The following CCDC171 variants were observed in gnomAD, a reference collection of about 807,000 sequenced individuals.
CCDC171 encodes coiled-coil domain containing 171.
Under a neutral mutation model 168.2 loss-of-function variants are expected in CCDC171, and 177 were observed. The ratio of observed to expected loss-of-function variants is 1.05; its 90% CI spans 0.93 to 1.19. The LOEUF (loss-of-function observed/expected upper bound fraction) is 1.19, where lower values mean the gene tolerates loss of function less well. Ranked by LOEUF, CCDC171 falls within the 50% of genes most tolerant of loss-of-function variation. The pLI is 0.00. For missense variants in CCDC171, 1,991 were observed against 1,539.0 expected (o/e 1.29, Z -4.91); for synonymous variants, 687 against 540.8 (o/e 1.27, Z -3.75).
At chr9:15,584,891 G>C (rs984993741) in intron 4 of CCDC171, among the ~76,000 whole-genome samples, 4 of 152,166 alleles carry the variant, frequency 2.6e-5, no homozygotes, top group Admixed American at 2.0e-4. Flanking sequence ...CATGAGGAAA[G>C]TGAAGTCCTG....
At chr9:15,957,425 A>G (rs1292248241) in intron 25 of CCDC171, among the ~76,000 whole-genome samples, 1 of 152,164 alleles carries the variant, frequency 6.6e-6, no homozygotes, top group East Asian at 1.9e-4. Flanking sequence ...GTTCCGTCTC[A>G]CTTTCTCCCT....
chr9:15,853,616 AC>A (rs1178342027), intron 23 of CCDC171, among the ~76,000 whole-genome samples: 3 of 151,582 alleles, frequency 2.0e-5, no homozygotes, highest in Non-Finnish European at 3.0e-5. Context: ...TCTGGCTAGA[AC>A]ATCCAGTATG....
chr9:15,657,543 T>A (rs150532709), intron 8 of CCDC171, among the ~76,000 whole-genome samples: 4 of 152,200 alleles, frequency 2.6e-5, no homozygotes, highest in Non-Finnish European at 4.4e-5. Context: ...ATTTGCAGAT[T>A]GGAGTGTTCT....
chr9:15,720,815 A>G (rs890494242), intron 11 of CCDC171, among the ~76,000 whole-genome samples: 3 of 152,124 alleles, frequency 2.0e-5, no homozygotes, highest in African/African-American at 7.2e-5. Context: ...CATTAGGTAT[A>G]TCTCCTAATG....
chr9:15,668,941 G>A (rs1264493225), intron 9 of CCDC171, among the ~76,000 whole-genome samples: 1 of 152,092 alleles, frequency 6.6e-6, no homozygotes, highest in Non-Finnish European at 1.5e-5. Flanking sequence ...GGTCTTTAAG[G>A]TAAATAATAC....
intron 3 of CCDC171, among the ~76,000 whole-genome samples, chr9:15,573,798 T>C (rs953788117): frequency 6.6e-6 from 1 of 151,158 alleles, no homozygotes; most frequent in African/African-American, 2.4e-5. Flanking sequence ...TGGTGGCTCA[T>C]GCCTGTAATC....
chr9:15,839,234 A>T (rs533008540), intron 21 of CCDC171, among the ~76,000 whole-genome samples: 1 of 152,324 alleles, frequency 6.6e-6, no homozygotes, highest in African/African-American at 2.4e-5. Context: ...TGAAGCTCTT[A>T]TTGGACTTTA....
At chr9:15,794,705 A>T (rs1182575433) in intron 21 of CCDC171, among the ~76,000 whole-genome samples, 1 of 152,234 alleles carries the variant, frequency 6.6e-6, no homozygotes, top group Non-Finnish European at 1.5e-5. Flanking sequence ...TGTGATACAG[A>T]TGGCATGTGG....
intron 7 of CCDC171, among the ~76,000 whole-genome samples, chr9:15,647,044 A>C (rs1256162906): frequency 6.6e-6 from 1 of 152,232 alleles, no homozygotes; most frequent in Non-Finnish European, 1.5e-5. Flanking sequence ...AAATTTTGAC[A>C]AAGTGTCTCT....
chr9:15,630,727 T>A (rs1025305242), intron 7 of CCDC171, among the ~76,000 whole-genome samples: 14 of 152,222 alleles, frequency 9.2e-5, no homozygotes, highest in Admixed American at 6.5e-4. Context: ...ATATACATTT[T>A]TTTCAGCACC....
intron 6 of CCDC171, among the ~76,000 whole-genome samples, chr9:16,025,090 C>T (rs1833249234): frequency 6.6e-6 from 1 of 152,192 alleles, no homozygotes; most frequent in Non-Finnish European, 1.5e-5. Flanking sequence ...CCATATGACC[C>T]AGCAACTTCA....
chr9:15,970,753 C>A (rs1192383850), intron 25 of CCDC171, among the ~76,000 whole-genome samples: 1 of 152,026 alleles, frequency 6.6e-6, no homozygotes, highest in Admixed American at 6.6e-5. Context: ...ATTTTCATTC[C>A]CTTATTTTGA....
At chr9:15,713,175 C>T (rs2052805773) in intron 11 of CCDC171, among the ~76,000 whole-genome samples, 1 of 152,216 alleles carries the variant, frequency 6.6e-6, no homozygotes, top group Non-Finnish European at 1.5e-5. Context: ...ACATCCACTA[C>T]TTGACGTTCT....
the CCDC171 span, among the ~76,000 whole-genome samples, chr9:16,094,741 T>C: frequency 6.6e-6 from 1 of 152,224 alleles, no homozygotes; most frequent in East Asian, 1.9e-4. Context: ...GTATCTTACA[T>C]GATGATATGA....
chr9:15,774,456 A>G (rs913641205), intron 18 of CCDC171, among the ~76,000 whole-genome samples: 5 of 152,066 alleles, frequency 3.3e-5, no homozygotes, highest in Admixed American at 6.6e-5. Context: ...ATAAAAAATC[A>G]TAGATGTTGG....
At chr9:15,767,292 T>C (rs967055566) in intron 18 of CCDC171, among the ~76,000 whole-genome samples, 1 of 152,212 alleles carries the variant, frequency 6.6e-6, no homozygotes, top group Non-Finnish European at 1.5e-5. Flanking sequence ...CTGATTCTTT[T>C]TGCAGCTTTT....
intron 7 of CCDC171, among the ~76,000 whole-genome samples, chr9:15,656,270 C>A: frequency 6.6e-6 from 1 of 151,248 alleles, no homozygotes. Context: ...TGCAGTGAGC[C>A]TAGATGGCGC....
At chr9:15,637,880 T>G (rs996570431) in intron 7 of CCDC171, among the ~76,000 whole-genome samples, 4 of 152,104 alleles carry the variant, frequency 2.6e-5, no homozygotes, top group African/African-American at 9.7e-5. Flanking sequence ...TGTTGGACAT[T>G]TGGGTTGGTT....
intron 9 of CCDC171, among the ~76,000 whole-genome samples, chr9:15,677,322 C>T (rs1271016452): frequency 6.6e-6 from 1 of 152,014 alleles, no homozygotes; most frequent in Non-Finnish European, 1.5e-5. Context: ...AGCTACTCTG[C>T]CTTGGAATAT....
Sources: gnomAD v4.1 joint callset for allele counts (sites outside exome capture counted in the v4.1 genomes callset) on GRCh38, gnomAD v4.1.1 for gene constraint, MANE v1.5 for transcripts, NCBI Gene and HGNC (gene_info 2026-07-23, HGNC 2026-07-21) for gene names.